Variants in ARL15 observed in about 807,000 individuals in gnomAD.
ARL15 encodes the protein ADP-ribosylation factor-like protein 15.
A neutral mutation model predicts 25.2 loss-of-function variants in ARL15; 19 were observed. The ratio of observed to expected loss-of-function variants is 0.75; its 90% CI spans 0.53 to 1.10. The LOEUF (loss-of-function observed/expected upper bound fraction) is 1.10, where lower values mean the gene tolerates loss of function less well. ARL15 is among the 50% of genes least tolerant of loss of function. The pLI is 0.00. For synonymous variants in ARL15, 94 were observed against 86.8 expected (o/e 1.08, Z -0.46); for missense variants, 220 against 246.0 (o/e 0.89, Z 0.71).
intron 4 of ARL15, among the ~76,000 whole-genome samples, chr5:54,026,597 C>T (rs959190473): frequency 4.6e-5 from 7 of 152,034 alleles, no homozygotes; most frequent in Non-Finnish European, 8.8e-5. Flanking sequence ...AATTCTGAGT[C>T]GAACATTCAA....
At chr5:54,077,217 T>C (rs1751637980) in intron 4 of ARL15, among the ~76,000 whole-genome samples, 1 of 152,316 alleles carries the variant, frequency 6.6e-6, no homozygotes, top group East Asian at 1.9e-4. Context: ...AACTGTGATG[T>C]TTATTTAAGG....
chr5:53,900,529 C>T (rs575147221), intron 4 of ARL15, among the ~76,000 whole-genome samples: 1 of 108,996 alleles, frequency 9.2e-6, no homozygotes, highest in East Asian at 2.2e-4. Context: ...TATGAGTCCT[C>T]AGTTCCTTGA....
intron 4 of ARL15, among the ~76,000 whole-genome samples, chr5:53,917,804 A>T (rs981525804): frequency 6.6e-6 from 1 of 152,058 alleles, no homozygotes; most frequent in Non-Finnish European, 1.5e-5. Flanking sequence ...AAACTCCTTC[A>T]CCAGAGGGGT....
At chr5:54,229,488 T>C (rs972552944) in intron 1 of ARL15, among the ~76,000 whole-genome samples, 3 of 152,164 alleles carry the variant, frequency 2.0e-5, no homozygotes, top group Non-Finnish European at 2.9e-5. Context: ...ATTACGAAGA[T>C]CTGGTATAAA....
At chr5:54,065,215 T>G (rs1751184154) in intron 4 of ARL15, among the ~76,000 whole-genome samples, 1 of 152,258 alleles carries the variant, frequency 6.6e-6, no homozygotes, top group Admixed American at 6.5e-5. Context: ...AAACTAATCT[T>G]TAAAGTAGGT....
At chr5:54,211,685 T>C (rs1249052111) in intron 1 of ARL15, among the ~76,000 whole-genome samples, 1 of 152,136 alleles carries the variant, frequency 6.6e-6, no homozygotes, top group East Asian at 1.9e-4. Flanking sequence ...TTGGGCAGGC[T>C]GGTCTTGAAC....
chr5:53,946,973 A>G (rs1184199118), intron 4 of ARL15, among the ~76,000 whole-genome samples: 2 of 152,318 alleles, frequency 1.3e-5, no homozygotes, highest in South Asian at 2.1e-4. Flanking sequence ...AACAAATTCA[A>G]TCATGTATGT....
chr5:53,889,133 TAATA>T (rs1171837055), intron 4 of ARL15, among the ~76,000 whole-genome samples: 5 of 151,982 alleles, frequency 3.3e-5, no homozygotes, highest in African/African-American at 1.2e-4. Context: ...AATATTAAAA[TAATA>T]AATAATAATA....
intron 1 of ARL15, among the ~76,000 whole-genome samples, chr5:54,230,176 G>A (rs746196439): frequency 1.1e-4 from 16 of 151,688 alleles, no homozygotes; most frequent in Non-Finnish European, 1.9e-4. Flanking sequence ...ATGAAATCCC[G>A]TCTCTACCAA....
At chr5:54,067,371 TTTG>T (rs1280800689) in intron 4 of ARL15, among the ~76,000 whole-genome samples, 6 of 152,208 alleles carry the variant, frequency 3.9e-5, no homozygotes, top group African/African-American at 1.4e-4. Context: ...AGCTTAACTA[TTTG>T]TACTAACAGA....
chr5:54,016,770 A>G (rs1016687513), intron 4 of ARL15, among the ~76,000 whole-genome samples: 9 of 152,220 alleles, frequency 5.9e-5, no homozygotes, highest in African/African-American at 1.7e-4. Flanking sequence ...TACATTTTAC[A>G]TATAGGACAT....
intron 1 of ARL15, among the ~76,000 whole-genome samples, chr5:54,281,860 C>T (rs137934990): frequency 9.3e-4 from 141 of 152,316 alleles, no homozygotes; most frequent in African/African-American, 3.1e-3. Context: ...GATACATCCA[C>T]GGTGTATTAT....
At chr5:54,221,072 A>C (rs1016575992) in intron 1 of ARL15, among the ~76,000 whole-genome samples, 2 of 152,204 alleles carry the variant, frequency 1.3e-5, no homozygotes, top group Admixed American at 6.5e-5. Context: ...TATGGAAGGA[A>C]AGAATCTCCA....
chr5:53,955,587 G>T (rs1747120358), intron 4 of ARL15, among the ~76,000 whole-genome samples: 1 of 152,158 alleles, frequency 6.6e-6, no homozygotes, highest in Admixed American at 6.6e-5. Flanking sequence ...AAAAAGCTTT[G>T]AGAATTGACA....
intron 4 of ARL15, among the ~76,000 whole-genome samples, chr5:54,029,853 C>T (rs1749918671): frequency 1.3e-5 from 2 of 151,926 alleles, no homozygotes; most frequent in Admixed American, 6.6e-5. Context: ...CAAAATTAGC[C>T]GGGCATAGTG....
At chr5:54,145,636 G>A (rs1014014905) in intron 3 of ARL15, among the ~76,000 whole-genome samples, 8 of 152,126 alleles carry the variant, frequency 5.3e-5, no homozygotes, top group Non-Finnish European at 1.0e-4. Context: ...GCGTGCGTGT[G>A]TGTGTGTGTT....
At chr5:54,188,091 T>C (rs937508930) in intron 1 of ARL15, among the ~76,000 whole-genome samples, 2 of 152,148 alleles carry the variant, frequency 1.3e-5, no homozygotes, top group Non-Finnish European at 2.9e-5. Flanking sequence ...CACACCATAA[T>C]TGTGAAGCAA....
chr5:54,007,297 C>T (rs6886510), intron 4 of ARL15, among the ~76,000 whole-genome samples: 42,059 of 151,944 alleles, frequency 0.28, 6,057 homozygotes, highest in East Asian at 0.46. Context: ...ATACTCTTTG[C>T]GTTTTCAAGA....
intron 4 of ARL15, among the ~76,000 whole-genome samples, chr5:53,950,600 G>C (rs980501590): frequency 5.3e-5 from 8 of 151,936 alleles, no homozygotes; most frequent in African/African-American, 1.9e-4. Flanking sequence ...CCCATTCCAG[G>C]CCACAAATTA....
Sources: allele counts gnomAD v4.1 joint callset (sites outside exome capture counted in the v4.1 genomes callset), GRCh38; gene constraint gnomAD v4.1.1; transcripts MANE v1.5; gene names NCBI Gene and HGNC (gene_info 2026-07-23, HGNC 2026-07-21).